The following FABP6 variants were observed in gnomAD, a reference collection of about 807,000 sequenced individuals.
The protein encoded by FABP6 is gastrotropin.
Under a neutral mutation model 14.9 loss-of-function variants are expected in FABP6, and 13 were observed. The ratio of observed to expected loss-of-function variants is 0.87; its 90% CI spans 0.57 to 1.39. FABP6 has a LOEUF of 1.39. Among genes scored for constraint, FABP6 ranks in the 40% most tolerant of loss-of-function variants. FABP6 has a pLI of 0.00. For synonymous variants in FABP6, 75 were observed against 63.6 expected, an observed-to-expected ratio of 1.18 and a Z score of -0.85; for missense variants, 161 against 167.2, an observed-to-expected ratio of 0.96 and a Z score of 0.20.
intron 2 of FABP6, among the ~76,000 whole-genome samples, chr5:160,211,364 T>G (rs1243764144): frequency 6.6e-6 from 1 of 152,156 alleles, no homozygotes; most frequent in African/African-American, 2.4e-5. Flanking sequence ...CTGGTATTTT[T>G]TAGTAGCTGA....
upstream of FABP6, chr5:160,228,464 C>T (rs1289621674): frequency 2.2e-6 from 1 of 456,224 alleles, no homozygotes; most frequent in South Asian, 1.5e-5. Flanking sequence ...TCAATTTTGC[C>T]CAATGCAGAG....
chr5:160,227,816 T>C (rs1760281463), upstream of FABP6, among the ~76,000 whole-genome samples: 1 of 82,754 alleles, frequency 1.2e-5, no homozygotes, highest in South Asian at 4.1e-4. Context: ...AAAAAATCCA[T>C]GACGTGTGTG....
At chr5:160,236,016 G>GTT (rs370153866) in intron 3 of FABP6, among the ~76,000 whole-genome samples, 31 of 126,840 alleles carry the variant, frequency 2.4e-4, no homozygotes, top group Non-Finnish European at 2.9e-4. Flanking sequence ...TCTCATGTCT[G>GTT]TTTTTTTTTT....
intron 1 of FABP6, among the ~76,000 whole-genome samples, chr5:160,231,220 G>A (rs750574936): frequency 6.6e-6 from 1 of 152,202 alleles, no homozygotes; most frequent in Non-Finnish European, 1.5e-5. Context: ...CCCTGAAGGA[G>A]CAATGACTTG....
At chr5:160,209,382 G>C (rs1287760894) in intron 2 of FABP6, among the ~76,000 whole-genome samples, 1 of 152,094 alleles carries the variant, frequency 6.6e-6, no homozygotes, top group Non-Finnish European at 1.5e-5. Context: ...AATTAGTCGG[G>C]TGTGGTGGCC....
intron 3 of FABP6, among the ~76,000 whole-genome samples, chr5:160,223,932 T>G (rs1332502120): frequency 1.3e-5 from 1 of 74,718 alleles, no homozygotes; most frequent in Non-Finnish European, 2.5e-5. Flanking sequence ...AGATCCCATC[T>G]CTACAAAAAA....
intron 2 of FABP6, among the ~76,000 whole-genome samples, chr5:160,213,169 GT>G (rs1189197993): frequency 6.6e-6 from 1 of 152,144 alleles, no homozygotes; most frequent in Non-Finnish European, 1.5e-5. Context: ...CCTTTTCTAT[GT>G]TTAGAGAACT....
intron 2 of FABP6, among the ~76,000 whole-genome samples, chr5:160,210,018 A>G (rs1482732026): frequency 6.6e-6 from 1 of 152,190 alleles, no homozygotes; most frequent in Non-Finnish European, 1.5e-5. Context: ...TGTCTTCAGG[A>G]GACCCGACGT....
At chr5:160,193,370 G>A (rs772315026) in intron 1 of FABP6, among the ~76,000 whole-genome samples, 29 of 152,154 alleles carry the variant, frequency 1.9e-4, no homozygotes, top group Admixed American at 6.5e-5. Context: ...GACCCAAAGA[G>A]TGAGCAGTAG....
At chr5:160,203,703 CTTT>C (rs11313636) in intron 2 of FABP6, among the ~76,000 whole-genome samples, 1 of 142,554 alleles carries the variant, frequency 7.0e-6, no homozygotes. Context: ...TATTATATTT[CTTT>C]TTTTTTTTTT....
exon 3 of FABP6, chr5:160,213,786 C>A: frequency 1.2e-6 from 2 of 1,613,746 alleles, no homozygotes; most frequent in East Asian, 2.2e-5. Context: ...GGAAAGGAGA[C>A]CTGCAGAGAA....
chr5:160,195,302 A>G (rs889890727), intron 1 of FABP6, among the ~76,000 whole-genome samples: 2 of 149,220 alleles, frequency 1.3e-5, no homozygotes, highest in African/African-American at 5.1e-5. Flanking sequence ...AAAAAAAAAA[A>G]AAAAAAAAAG....
chr5:160,224,121 A>G (rs1760194059), intron 3 of FABP6, among the ~76,000 whole-genome samples: 1 of 152,124 alleles, frequency 6.6e-6, no homozygotes, highest in South Asian at 2.1e-4. Context: ...CTGTAGTCCC[A>G]GCTACTCAGG....
intron 3 of FABP6, among the ~76,000 whole-genome samples, chr5:160,214,313 G>A (rs1759967146): frequency 6.6e-6 from 1 of 151,640 alleles, no homozygotes; most frequent in African/African-American, 2.4e-5. Context: ...ACAGGCACGT[G>A]CCACCATGCC....
At chr5:160,221,117 A>G (rs907341323) in intron 3 of FABP6, among the ~76,000 whole-genome samples, 2 of 149,826 alleles carry the variant, frequency 1.3e-5, no homozygotes. Flanking sequence ...AAGACTTGAG[A>G]CTTGAGGACA....
At chr5:160,225,939 C>G (rs374232324), upstream of FABP6, among the ~76,000 whole-genome samples, 18 of 151,842 alleles carry the variant, frequency 1.2e-4, no homozygotes, top group Admixed American at 1.1e-3. Flanking sequence ...TTTGGGAGGC[C>G]GAGGCGAGTG....
At chr5:160,210,007 G>A (rs1001349767) in intron 2 of FABP6, among the ~76,000 whole-genome samples, 1 of 152,180 alleles carries the variant, frequency 6.6e-6, no homozygotes, top group Non-Finnish European at 1.5e-5. Flanking sequence ...AATCCTCCTG[G>A]TGTCTTCAGG....
chr5:160,198,998 A>T, intron 1 of FABP6: 1 of 1,081,662 alleles, frequency 9.2e-7, no homozygotes, highest in Non-Finnish European at 1.4e-6. Context: ...ATGAACAATG[A>T]GATGGTCTCC....
rs202190021 is a variant in FABP6, at chr5:160,222,095, C to CTTTT, written c.136-7437_136-7434dup. Reference sequence around the variant, plus strand: ...TTGTTCTTTCCAAATTTTTTCTTTTCTTTTTTTTTTTTTTTTTAGACAGGG... The same window carrying CTTTT: ...TTGTTCTTTCCAAATTTTTTCTTTTCTTTTTTTTTTTTTTTTTTTTTAGACAGGG... On this transcript the variant is annotated intron_variant, in intron 3 of 6. Coordinates refer to the FABP6 transcript ENST00000393980. Among the ~76,000 whole-genome samples, 726 of 130,294 alleles carry CTTTT rather than the reference C, an allele frequency of 5.6e-3. 11 individuals carry two copies. The highest frequency in any genetic ancestry group is 0.02 in the African/African-American group (699 of 35,168). The allele number at this position is 130,294 out of a possible 152,430, so 85.5% of individuals were successfully genotyped here. A position where few individuals can be genotyped will look rare whatever the true frequency, so the allele number is the denominator to read the frequency against.
Sources: gnomAD v4.1 joint callset for allele counts (sites outside exome capture counted in the v4.1 genomes callset) on GRCh38, gnomAD v4.1.1 for gene constraint, MANE v1.5 for transcripts, NCBI Gene and HGNC (gene_info 2026-07-23, HGNC 2026-07-21) for gene names.